The following PRSS3 variants were observed in gnomAD, a reference collection of about 807,000 sequenced individuals.
The protein encoded by PRSS3 is serine protease 3, also known as trypsin-3.
PRSS3 carries 14 observed loss-of-function variants against 20.8 expected under a neutral mutation model. That is an observed-to-expected ratio of 0.67 (90% CI 0.44 to 1.05). The LOEUF (loss-of-function observed/expected upper bound fraction) is 1.05, where lower values mean the gene tolerates loss of function less well. Ranked by LOEUF, PRSS3 falls within the 50% of genes least tolerant of loss-of-function variation. The pLI, the probability that PRSS3 is intolerant of heterozygous loss-of-function variation, is 0.00. For synonymous variants in PRSS3, 91 were observed against 117.6 expected, an observed-to-expected ratio of 0.77 and a Z score of 1.46; for missense variants, 237 against 306.4, an observed-to-expected ratio of 0.77 and a Z score of 1.69.
At chr9:33,786,665 G>A (rs545864495) in intron 1 of PRSS3, 17 of 766,394 alleles carry the variant, frequency 2.2e-5, no homozygotes, top group Middle Eastern at 2.3e-4. Flanking sequence ...TGGACAGAGC[G>A]TGACACTGAT....
chr9:33,797,714 C>A lies in PRSS3; in HGVS notation c.201-115C>A. On this transcript the variant is annotated intron_variant, in intron 2 of 4. Coordinates refer to ENST00000379405, the MANE Select transcript of PRSS3 (RefSeq NM_002771.4). ...TGCCCATGCAATATGGCCACACACCCCACCCCATGCCTCCAGAGCTATCCA... is the reference window on the plus strand; with the variant it reads ...TGCCCATGCAATATGGCCACACACCACACCCCATGCCTCCAGAGCTATCCA... 3.8e-6 allele frequency: 6 copies of A among 1,592,124 alleles called. No homozygotes were observed. In the South Asian group the frequency reaches 6.8e-5, roughly 18 times the overall value.
intron 1 of PRSS3, among the ~76,000 whole-genome samples, chr9:33,754,465 AC>A (rs1822849806): frequency 1.3e-5 from 2 of 152,190 alleles, no homozygotes; most frequent in Admixed American, 6.5e-5. Flanking sequence ...CATATCACAT[AC>A]ACACTATTAA....
intron 1 of PRSS3, among the ~76,000 whole-genome samples, chr9:33,762,350 T>G (rs546359578): frequency 6.6e-5 from 10 of 152,280 alleles, no homozygotes; most frequent in African/African-American, 2.4e-4. Context: ...CTGGACCTCC[T>G]CAGGCCCCTG....
intron 1 of PRSS3, among the ~76,000 whole-genome samples, chr9:33,763,344 C>T (rs1309726905): frequency 6.6e-6 from 1 of 152,138 alleles, no homozygotes; most frequent in African/African-American, 2.4e-5. Flanking sequence ...CCCAGTCTAA[C>T]AAAATTTTAA....
intron 1 of PRSS3, among the ~76,000 whole-genome samples, chr9:33,759,162 G>A (rs1411541361): frequency 6.6e-6 from 1 of 152,098 alleles, no homozygotes; most frequent in Non-Finnish European, 1.5e-5. Flanking sequence ...TCAGGTTCAC[G>A]GTGGGAAGAA....
In PRSS3 at chr9:33,783,763, G is replaced by A. The variant is rs545474692; in HGVS notation, c.-52-10983G>A. ...AAGTTAGCCAGGCGTGGTGGTGCAC[G>A]CCTGTAGTCCCAGCTACTTGGGAGG... is the stretch of plus-strand genomic sequence containing the variant. On this transcript the variant is annotated intron_variant, in intron 1 of 5. Transcript: ENST00000342836. Among the ~76,000 whole-genome samples the A allele has an allele frequency of 6.6e-5, 10 of 152,168 alleles. No individual in the cohort carries two copies. In the East Asian group the frequency reaches 1.4e-3, roughly 21 times the overall value.
chr9:33,761,350 G>A (rs1323713417), intron 1 of PRSS3, among the ~76,000 whole-genome samples: 1 of 152,202 alleles, frequency 6.6e-6, no homozygotes, highest in African/African-American at 2.4e-5. Context: ...ACCACACACT[G>A]TAGGCAGTTA....
intron 1 of PRSS3, among the ~76,000 whole-genome samples, chr9:33,764,284 C>T (rs2118831247): frequency 6.6e-6 from 1 of 152,322 alleles, no homozygotes; most frequent in African/African-American, 2.4e-5. Context: ...CACCTGTAAT[C>T]CCAGCACTTT....
chr9:33,780,101 A>T (rs1824118236), intron 1 of PRSS3, among the ~76,000 whole-genome samples: 1 of 152,072 alleles, frequency 6.6e-6, no homozygotes, highest in African/African-American at 2.4e-5. Flanking sequence ...ACTATCCCCA[A>T]GACACATAGT....
intron 1 of PRSS3, among the ~76,000 whole-genome samples, chr9:33,765,295 A>G (rs1046982804): frequency 4.3e-4 from 65 of 152,346 alleles, no homozygotes; most frequent in African/African-American, 1.5e-3. Flanking sequence ...GTATAGTAAG[A>G]GATTAACAAT....
At chr9:33,775,950 C>T (rs1253305056) in intron 1 of PRSS3, among the ~76,000 whole-genome samples, 3 of 152,052 alleles carry the variant, frequency 2.0e-5, no homozygotes, top group Admixed American at 1.3e-4. Flanking sequence ...GTGATCTACC[C>T]GCCTCAGCCT....
intron 1 of PRSS3, among the ~76,000 whole-genome samples, chr9:33,755,393 TTC>T (rs1199572315): frequency 1.3e-5 from 2 of 152,190 alleles, no homozygotes; most frequent in Non-Finnish European, 2.9e-5. Flanking sequence ...GGTTGTGTTT[TTC>T]TGATATTACC....
At chr9:33,784,567 T>C (rs1047787497) in intron 1 of PRSS3, among the ~76,000 whole-genome samples, 2 of 152,266 alleles carry the variant, frequency 1.3e-5, no homozygotes, top group South Asian at 2.1e-4. Context: ...TTCACAATTC[T>C]ATTTTCTTTG....
Position 33,797,858 on chromosome 9 carries a change from A to T in PRSS3, c.230A>T (p.Asn77Ile). ...TRIQVRLGEH[N>I]IKVLEGNEQF... is the part of the protein sequence containing the mutation. ...ATCCAGGTGAGACTGGGAGAGCACA[A>T]CATCAAAGTCCTGGAGGGGAATGAG... Residue 77 changes from asparagine (N) to isoleucine (I), a missense_variant, in exon 3 of 5, where the codon AAC becomes ATC. By Grantham distance (149) the Asn-to-Ile change is moderately radical (BLOSUM62 -3). Coordinates refer to ENST00000379405, the MANE Select transcript of PRSS3 (RefSeq NM_002771.4). 1.2e-6 allele frequency: 2 copies of T among 1,614,254 alleles called. No individual in the cohort carries two copies. The highest frequency in any genetic ancestry group is 2.2e-5 in the South Asian group (2 of 91,092).
upstream of PRSS3, among the ~76,000 whole-genome samples, chr9:33,794,110 C>T (rs1223764698): frequency 1.5e-5 from 2 of 135,714 alleles, no homozygotes; most frequent in African/African-American, 5.5e-5. Flanking sequence ...GCCCCACATT[C>T]GCATTTTTTC....
At chr9:33,782,152 G>T (rs1171948152) in intron 1 of PRSS3, among the ~76,000 whole-genome samples, 3 of 152,172 alleles carry the variant, frequency 2.0e-5, no homozygotes, top group African/African-American at 7.2e-5. Flanking sequence ...AGTACCCAGT[G>T]AGTTTCCACT....
rs1316951443 is a variant in PRSS3, at chr9:33,750,752, G to A, written c.-53+25G>A. Reference sequence around the variant, plus strand: ...GGTCAGACGTCAGTACCCGCAGGGGGCTTGAAACTGGAGGAGGGCTCGAAG... The same window carrying A: ...GGTCAGACGTCAGTACCCGCAGGGGACTTGAAACTGGAGGAGGGCTCGAAG... On this transcript the variant is annotated intron_variant, in intron 1 of 5. Coordinates refer to the PRSS3 transcript ENST00000342836. This position sits in a 1 kb window ranked among gnomAD's most constrained non-coding sequence, Gnocchi z 4.8. 2 of 1,418,870 alleles carry A rather than the reference G, an allele frequency of 1.4e-6. No individual in the cohort carries two copies. Among genetic ancestry groups the A allele is most frequent in the African/African-American group, 1.5e-5 (1 of 66,340 alleles). The allele number at this position is 1,418,870 out of a possible 1,614,324, so 87.9% of individuals were successfully genotyped here.
At chr9:33,754,519 G>A (rs1295852337) in intron 1 of PRSS3, among the ~76,000 whole-genome samples, 4 of 152,018 alleles carry the variant, frequency 2.6e-5, no homozygotes, top group South Asian at 2.1e-4. Flanking sequence ...AGACGGACAC[G>A]ATGCCAATAC....
intron 1 of PRSS3, among the ~76,000 whole-genome samples, chr9:33,763,202 T>G (rs1265721721): frequency 6.6e-6 from 1 of 152,226 alleles, no homozygotes; most frequent in African/African-American, 2.4e-5. Flanking sequence ...AACAGTTGAC[T>G]TAAGTCTTTT....
Sources: allele counts gnomAD v4.1 joint callset (sites outside exome capture counted in the v4.1 genomes callset), GRCh38; gene constraint gnomAD v4.1.1; non-coding constraint Gnocchi (gnomAD v3.1); transcripts MANE v1.5; gene names NCBI Gene and HGNC (gene_info 2026-07-23, HGNC 2026-07-21).